Variants in ARHGEF9 observed in about 807,000 individuals in gnomAD.
The protein encoded by ARHGEF9 is rho guanine nucleotide exchange factor 9.
Under a neutral mutation model 41.3 loss-of-function variants are expected in ARHGEF9, and 2 were observed. The ratio of observed to expected loss-of-function variants is 0.05; its 90% CI spans 0.02 to 0.15. The LOEUF (loss-of-function observed/expected upper bound fraction) is 0.15, where lower values mean the gene tolerates loss of function less well. Ranked by LOEUF, ARHGEF9 falls within the 10% of genes least tolerant of loss-of-function variation. The pLI is 1.00. For missense variants in ARHGEF9, 225 were observed against 424.7 expected (o/e 0.53, Z 4.13); for synonymous variants, 160 against 154.4 (o/e 1.04, Z -0.27).
At chrX:63,760,916 A>T (rs1264431477) in intron 1 of ARHGEF9, among the ~76,000 whole-genome samples, 1 of 112,144 alleles carries the variant, frequency 8.9e-6, no homozygotes, top group Non-Finnish European at 1.9e-5. Context: ...TTGAATTGAG[A>T]TCTCTTTCCA....
At chrX:63,646,781 C>A (rs1304077234) in intron 8 of ARHGEF9, among the ~76,000 whole-genome samples, 3 of 111,876 alleles carry the variant, frequency 2.7e-5, no homozygotes, top group African/African-American at 9.7e-5. Flanking sequence ...TCATTGGTAG[C>A]TTGATGGGGA....
chrX:63,657,208 T>C (rs1381909201), intron 7 of ARHGEF9: 1 of 112,634 alleles, frequency 8.9e-6, no homozygotes, highest in Non-Finnish European at 1.9e-5. Context: ...TGCTCATTAA[T>C]TTTTATTAGC....
chrX:63,762,164 G>T (rs1281013103), intron 1 of ARHGEF9, among the ~76,000 whole-genome samples: 4 of 111,482 alleles, frequency 3.6e-5, no homozygotes, highest in African/African-American at 1.3e-4. Flanking sequence ...AAGCCCCTCT[G>T]ACCTCCATGT....
At chrX:63,758,028 A>G (rs1448241083) in intron 1 of ARHGEF9, among the ~76,000 whole-genome samples, 11 of 111,945 alleles carry the variant, frequency 9.8e-5, no homozygotes, top group African/African-American at 3.6e-4. Flanking sequence ...TCTGTTGGAA[A>G]GCACAATGGT....
At chrX:63,722,965 T>G (rs1298048493) in intron 2 of ARHGEF9, 2 of 111,584 alleles carry the variant, frequency 1.8e-5, no homozygotes, top group Non-Finnish European at 3.8e-5. Flanking sequence ...GAGAGGTAAT[T>G]TTGTCCATTC....
At chrX:63,750,519 C>T (rs2147770935) in intron 1 of ARHGEF9, among the ~76,000 whole-genome samples, 1 of 111,483 alleles carries the variant, frequency 9.0e-6, no homozygotes, top group African/African-American at 3.3e-5. Context: ...TAAAGCTAGG[C>T]TGATCAGGAT....
chrX:63,730,436 C>A (rs1413186401), intron 1 of ARHGEF9, among the ~76,000 whole-genome samples: 2 of 111,868 alleles, frequency 1.8e-5, no homozygotes, highest in Non-Finnish European at 3.8e-5. Flanking sequence ...GCCAGTCCCC[C>A]ATGGAACCAG....
rs781806390 is a variant in ARHGEF9, at chrX:63,724,625, G to A, written c.117C>T (p.Gly39=). ...MANRELAFKA[G]DVIKVLDASN... Reference sequence around the variant, plus strand: ...AAGCATCCAAGACTTTGATGACGTCGCCAGCTTTAAATGCCAACTCCCGGT... The same window carrying A: ...AAGCATCCAAGACTTTGATGACGTCACCAGCTTTAAATGCCAACTCCCGGT... Residue 39 remains glycine (G), a synonymous_variant, in exon 2 of 10, where the codon GGC becomes GGT. Coordinates refer to ENST00000671741, the MANE Select transcript of ARHGEF9 (RefSeq NM_001353921.2). 4.1e-6 allele frequency: 5 copies of A among 1,208,817 alleles called. No homozygotes were observed. The highest frequency in any genetic ancestry group is 5.6e-6 in the Non-Finnish European group (5 of 894,841).
At chrX:63,672,804 G>A (rs1274410498) in intron 6 of ARHGEF9, among the ~76,000 whole-genome samples, 1 of 111,400 alleles carries the variant, frequency 9.0e-6, no homozygotes, top group Non-Finnish European at 1.9e-5. Flanking sequence ...GAGTTGATGG[G>A]CTTGCTAGAA....
intron 1 of ARHGEF9, among the ~76,000 whole-genome samples, chrX:63,782,152 C>T (rs1167862609): frequency 1.8e-5 from 2 of 111,542 alleles, no homozygotes; most frequent in Non-Finnish European, 3.8e-5. Context: ...AGAATATAAG[C>T]TCCATGAAAG....
At chrX:63,691,123 G>A (rs2051318549) in intron 4 of ARHGEF9, among the ~76,000 whole-genome samples, 1 of 111,933 alleles carries the variant, frequency 8.9e-6, no homozygotes, top group Admixed American at 9.5e-5. Flanking sequence ...AGTACTGCAT[G>A]TTCTAGCCAG....
intron 1 of ARHGEF9, among the ~76,000 whole-genome samples, chrX:63,764,651 G>C (rs2056085760): frequency 8.9e-6 from 1 of 112,394 alleles, no homozygotes; most frequent in Admixed American, 9.4e-5. Flanking sequence ...AAGAAGGAAT[G>C]AGATCATGTC....
At chrX:63,646,052 C>T (rs1267524087) in intron 8 of ARHGEF9, among the ~76,000 whole-genome samples, 1 of 111,706 alleles carries the variant, frequency 9.0e-6, no homozygotes, top group African/African-American at 3.3e-5. Context: ...TGTTCATATC[C>T]TTCACCCACT....
At chrX:63,774,045 ATATCTATCTATC>A (rs3051724) in intron 1 of ARHGEF9, among the ~76,000 whole-genome samples, 1,034 of 99,038 alleles carry the variant, frequency 0.01, 15 homozygotes, top group African/African-American at 0.031. Flanking sequence ...ATCCATTATA[ATATCTATCTATC>A]TATCTATCTA....
intron 8 of ARHGEF9, among the ~76,000 whole-genome samples, chrX:63,645,640 T>G (rs1354442723): frequency 2.7e-5 from 3 of 112,121 alleles, no homozygotes; most frequent in Non-Finnish European, 5.6e-5. Flanking sequence ...GTTGGACATT[T>G]GGGTTGGTTC....
intron 5 of ARHGEF9, among the ~76,000 whole-genome samples, chrX:63,674,878 A>G (rs1212299107): frequency 9.0e-6 from 1 of 111,577 alleles, no homozygotes; most frequent in African/African-American, 3.3e-5. Flanking sequence ...CTTGAAATGC[A>G]TGAGGCTAGA....
At chrX:63,685,465 A>T (rs1375483657) in intron 4 of ARHGEF9, among the ~76,000 whole-genome samples, 2 of 111,834 alleles carry the variant, frequency 1.8e-5, no homozygotes, top group Admixed American at 9.5e-5. Flanking sequence ...ATTTGGCAAG[A>T]TTATTCTTAA....
Position 63,755,143 on chromosome X carries a change from T to G in ARHGEF9, c.30+29973A>C, listed in dbSNP as rs782129950. On this transcript the variant is annotated intron_variant, in intron 1 of 9. Transcript: ENST00000671741. Reference sequence around the variant, plus strand: ...CCCATCCCCCGCTCAGCCCATAGGCTGCCTTTTTATTCACCGAGCGACTGC... The same window carrying G: ...CCCATCCCCCGCTCAGCCCATAGGCGGCCTTTTTATTCACCGAGCGACTGC... 7,368 of 937,560 alleles carry G rather than the reference T, an allele frequency of 7.9e-3. 26 individuals carry two copies. The highest frequency in any genetic ancestry group is 9.0e-3 in the Non-Finnish European group (6,781 of 756,215). The allele number at this position is 937,560 out of a possible 1,213,427, so 77.3% of individuals were successfully genotyped here.
In ARHGEF9 at chrX:63,637,615, C is replaced by T. The variant is rs1368932228; in HGVS notation, c.*413G>A. ...AAAAAAACAATACAAACACATCTAT[C>T]GTAATAATGACAAGGCAGTGAATCA... On this transcript the variant is annotated 3_prime_UTR_variant, in exon 10 of 10. Coordinates refer to ENST00000671741, the MANE Select transcript of ARHGEF9 (RefSeq NM_001353921.2). 10 of 202,641 alleles carry T rather than the reference C, an allele frequency of 4.9e-5. No homozygotes were observed. Among genetic ancestry groups the T allele is most frequent in the Admixed American group, 7.3e-5 (1 of 13,712 alleles). 16.7% of individuals were successfully genotyped at this position (202,641 alleles called of 1,213,427 possible). A position where few individuals can be genotyped will look rare whatever the true frequency, so the allele number is the denominator to read the frequency against.
Sources: gnomAD v4.1 joint callset for allele counts (sites outside exome capture counted in the v4.1 genomes callset) on GRCh38, gnomAD v4.1.1 for gene constraint, MANE v1.5 for transcripts, NCBI Gene and HGNC (gene_info 2026-07-23, HGNC 2026-07-21) for gene names.